Variants in CLEC4A observed in about 807,000 individuals in gnomAD.
The protein encoded by CLEC4A is C-type lectin domain family 4 member A.
A neutral mutation model predicts 32.7 loss-of-function variants in CLEC4A; 27 were observed. The ratio of observed to expected loss-of-function variants is 0.83; its 90% CI spans 0.61 to 1.14. CLEC4A has a LOEUF of 1.14. Among genes scored for constraint, CLEC4A ranks in the 50% most tolerant of loss-of-function variants. CLEC4A has a pLI of 0.00. For missense variants in CLEC4A, 253 were observed against 274.6 expected (o/e 0.92, Z 0.55); for synonymous variants, 89 against 93.7 (o/e 0.95, Z 0.29).
At chr12:8,130,105 G>A (rs1947972131) in intron 3 of CLEC4A, among the ~76,000 whole-genome samples, 2 of 152,070 alleles carry the variant, frequency 1.3e-5, no homozygotes, top group South Asian at 4.1e-4. Context: ...TGAAGGGCTG[G>A]GATTATAGGC....
chr12:8,138,088 C>CTT lies in CLEC4A; in HGVS notation c.567-49_567-48dup. On this transcript the variant is annotated intron_variant, in intron 5 of 5. Coordinates refer to ENST00000229332, the MANE Select transcript of CLEC4A (RefSeq NM_016184.4). ...TCGCTCCTCACCCCTGTCTCTAACC[C>CTT]TTTTCAAAGCTCTGTTTGAAGAAAT... 3.2e-6 allele frequency: 5 copies of CTT among 1,579,030 alleles called. No homozygotes were observed. In the Middle Eastern group the frequency reaches 6.8e-4, roughly 214 times the overall value.
chr12:8,134,979 G>GTTTGTTTTTTTTT (rs1948073595), intron 3 of CLEC4A: 8 of 166,022 alleles, frequency 4.8e-5, no homozygotes, highest in African/African-American at 1.4e-4. Context: ...AAGCGTTTTT[G>GTTTGTTTTTTTTT]TTTTTTGTTT....
upstream of CLEC4A, among the ~76,000 whole-genome samples, chr12:8,118,982 T>C (rs1303354235): frequency 6.6e-6 from 1 of 152,222 alleles, no homozygotes; most frequent in African/African-American, 2.4e-5. Flanking sequence ...TAACTGAATA[T>C]GCTGGTGCCT....
intron 1 of CLEC4A, 97 bp downstream of exon 1, chr12:8,124,057 C>G: frequency 2.5e-6 from 2 of 804,976 alleles, no homozygotes; most frequent in East Asian, 5.0e-5. Context: ...TGCTGGTTGT[C>G]TGATTGAGTA....
In CLEC4A at chr12:8,136,817, A is replaced by G. The variant is rs1250806586; in HGVS notation, c.480A>G (p.Glu160=). 1 of 1,613,068 alleles carries G rather than the reference A, an allele frequency of 6.2e-7. No individual in the cohort carries two copies. The highest frequency in any genetic ancestry group is 8.5e-7 in the Non-Finnish European group (1 of 1,179,222). The change falls in exon 5 of 6, where the codon GAA becomes GAG. Residue 160 remains glutamate, a synonymous_variant. Coordinates refer to ENST00000229332, the MANE Select transcript of CLEC4A (RefSeq NM_016184.4). Reference sequence around the variant, plus strand: ...TCATCTTCCAGAATCTGCAAGAAGAATCTGCTTATTTTGTGGGGCTCTCAG... The same window carrying G: ...TCATCTTCCAGAATCTGCAAGAAGAGTCTGCTTATTTTGTGGGGCTCTCAG... ...QDFIFQNLQE[E]SAYFVGLSDP...
chr12:8,135,069 T>TTTTTTTTTTTTTTTTA (rs1948089265), intron 3 of CLEC4A, among the ~76,000 whole-genome samples: 2 of 124,238 alleles, frequency 1.6e-5, no homozygotes, highest in Non-Finnish European at 1.7e-5. Context: ...TTTTTTTTTT[T>TTTTTTTTTTTTTTTTA]GAGACAGGTT....
chr12:8,128,358 T>C (rs1442087019), intron 2 of CLEC4A, among the ~76,000 whole-genome samples: 1 of 151,684 alleles, frequency 6.6e-6, no homozygotes, highest in Non-Finnish European at 1.5e-5. Flanking sequence ...ACCCAGACTA[T>C]GATGGGTCAA....
rs753939545 is a variant in CLEC4A, at chr12:8,125,598, C to T, written c.120C>T (p.Thr40=). The T allele has an allele frequency of 8.1e-6, 13 of 1,612,812 alleles. No individual in the cohort carries two copies. Among genetic ancestry groups the T allele is most frequent in the Admixed American group, 1.7e-5 (1 of 59,976 alleles). ...KERTAPHKSN[T]GFPKLLCASL... ...GGACTGCCCCTCACAAAAGTAATAC[C>T]GGATTCCCCAAGCTGCTTTGTGCCT... Residue 40 remains threonine (T), a synonymous_variant, in exon 2 of 6, where the codon ACC becomes ACT. Transcript: ENST00000229332.
the CLEC4A span, among the ~76,000 whole-genome samples, chr12:8,111,107 T>G: frequency 4.3e-4 from 66 of 151,842 alleles, no homozygotes; most frequent in African/African-American, 1.5e-3. Context: ...TCTCCTGACC[T>G]TGTGATCCAC....
At chr12:8,117,909 C>A in the CLEC4A span, among the ~76,000 whole-genome samples, 2 of 152,090 alleles carry the variant, frequency 1.3e-5, no homozygotes, top group Non-Finnish European at 2.9e-5. Context: ...TGAGGCAGGT[C>A]TCAATTGATT....
chr12:8,137,696 C>T (rs139179755), intron 5 of CLEC4A, among the ~76,000 whole-genome samples: 6 of 151,942 alleles, frequency 3.9e-5, no homozygotes, highest in Non-Finnish European at 5.9e-5. Context: ...AATTACTTGT[C>T]CAATAACAAG....
chr12:8,135,112 C>A (rs1053134810), intron 3 of CLEC4A, among the ~76,000 whole-genome samples: 2 of 106,832 alleles, frequency 1.9e-5, no homozygotes, highest in Non-Finnish European at 3.4e-5. Context: ...TCTTGAACTT[C>A]TGGGATCAAG....
chr12:8,127,945 C>T (rs1947930138), intron 2 of CLEC4A, among the ~76,000 whole-genome samples: 1 of 152,118 alleles, frequency 6.6e-6, no homozygotes, highest in South Asian at 2.1e-4. Flanking sequence ...GCTGTGAGAA[C>T]CTCAAATGGA....
At chr12:8,108,786 A>G in the CLEC4A span, among the ~76,000 whole-genome samples, 1 of 152,220 alleles carries the variant, frequency 6.6e-6, no homozygotes, top group South Asian at 2.1e-4. Flanking sequence ...TTGTGACTTC[A>G]TGTTCTGCCC....
chr12:8,110,664 A>G, the CLEC4A span, among the ~76,000 whole-genome samples: 3 of 152,098 alleles, frequency 2.0e-5, no homozygotes, highest in Admixed American at 6.6e-5. Context: ...ATTTATTTAC[A>G]TGCTTCTCTA....
At chr12:8,104,244 C>CT in the CLEC4A span, among the ~76,000 whole-genome samples, 17 of 151,880 alleles carry the variant, frequency 1.1e-4, no homozygotes, top group Admixed American at 1.1e-3. Flanking sequence ...TGAGATACAC[C>CT]AGTTGTGACA....
intron 3 of CLEC4A, chr12:8,134,331 A>C: frequency 6.2e-7 from 1 of 1,611,872 alleles, no homozygotes; most frequent in Non-Finnish European, 8.5e-7. Flanking sequence ...ACCTTCCCAA[A>C]TAGAACCCCC....
chr12:8,138,559 T>C lies in CLEC4A; in HGVS notation c.*272T>C, dbSNP rs911025383. The C allele has an allele frequency of 3.8e-5, 10 of 261,590 alleles. No individual in the cohort carries two copies. The highest frequency in any genetic ancestry group is 1.6e-4 in the African/African-American group (7 of 44,676). The allele number at this position is 261,590 out of a possible 1,614,324, so 16.2% of individuals were successfully genotyped here. ...ACATGAGTCTCTCTTAATTTTTATC[T>C]GGTTGCTAAAGAATTATTTACCAAT... On this transcript the variant is annotated 3_prime_UTR_variant, in exon 6 of 6. Coordinates refer to ENST00000229332, the MANE Select transcript of CLEC4A (RefSeq NM_016184.4).
Position 8,135,600 on chromosome 12 carries a change from G to C in CLEC4A, c.314G>C (p.Cys105Ser). Reference protein sequence around the residue: ...NMPVEETAWSCCPKNWKSFSS... With the variant: ...NMPVEETAWSSCPKNWKSFSS... ...CCCAATACAGAGACAGCCTGGAGCTGTTGCCCAAAGAATTGGAAGTCATTT... is the reference window on the plus strand; with the variant it reads ...CCCAATACAGAGACAGCCTGGAGCTCTTGCCCAAAGAATTGGAAGTCATTT... The change falls in exon 4 of 6, where the codon TGT becomes TCT. Residue 105 changes from cysteine (C) to serine (S), a missense_variant. Coordinates refer to ENST00000229332, the MANE Select transcript of CLEC4A (RefSeq NM_016184.4). 6.2e-7 allele frequency: 1 copy of C among 1,614,158 alleles called. No individual in the cohort carries two copies. Among genetic ancestry groups the C allele is most frequent in the Non-Finnish European group, 8.5e-7 (1 of 1,179,994 alleles).
Sources: allele counts gnomAD v4.1 joint callset (sites outside exome capture counted in the v4.1 genomes callset), GRCh38; gene constraint gnomAD v4.1.1; transcripts MANE v1.5; gene names NCBI Gene and HGNC (gene_info 2026-07-23, HGNC 2026-07-21).